MAGEC3: variants seen among roughly 807,000 people sequenced by gnomAD.
MAGEC3 encodes the protein melanoma-associated antigen C3.
In MAGEC3, 34 loss-of-function variants were observed where a neutral mutation model predicts 35.3. The observed-to-expected ratio is 0.96, with a 90% CI of 0.73 to 1.28. The LOEUF (loss-of-function observed/expected upper bound fraction) is 1.28, where lower values mean the gene tolerates loss of function less well. Ranked by LOEUF, MAGEC3 falls within the 50% of genes most tolerant of loss-of-function variation. The probability of loss-of-function intolerance (pLI) is 0.00; values close to 1 mark genes in which losing one functional copy is unlikely to be tolerated. For synonymous variants in MAGEC3, 202 were observed against 185.6 expected (o/e 1.09, Z -0.72); for missense variants, 561 against 483.6 (o/e 1.16, Z -1.50).
chrX:141,880,852 A>T (rs766779446), intron 3 of MAGEC3: 1 of 1,133,677 alleles, frequency 8.8e-7, no homozygotes, highest in South Asian at 1.9e-5. Context: ...GGCCTTTGTC[A>T]GAACCACCAT....
At chrX:141,871,762 G>A (rs900849584) in intron 2 of MAGEC3, among the ~76,000 whole-genome samples, 7 of 111,242 alleles carry the variant, frequency 6.3e-5, no homozygotes, top group African/African-American at 2.3e-4. Context: ...GGACATGATT[G>A]TGAGCAATGC....
intron 1 of MAGEC3, among the ~76,000 whole-genome samples, chrX:141,865,101 C>A (rs1384148374): frequency 1.8e-5 from 2 of 111,326 alleles, no homozygotes; most frequent in Non-Finnish European, 3.8e-5. Flanking sequence ...TTTGAAAGCC[C>A]TTTCTGTATT....
At chrX:141,889,148 T>G (rs1018580305) in intron 4 of MAGEC3, among the ~76,000 whole-genome samples, 5 of 112,287 alleles carry the variant, frequency 4.5e-5, no homozygotes, top group African/African-American at 1.6e-4. Context: ...GCAGTTGCAT[T>G]GATAGAACAG....
intron 6 of MAGEC3, chrX:141,896,060 G>T (rs1292539339): frequency 1.5e-5 from 2 of 132,554 alleles, no homozygotes; most frequent in East Asian, 3.8e-4. Context: ...AATTCTGATG[G>T]GACCATGCAG....
chrX:141,878,834 C>T (rs994267793), intron 2 of MAGEC3, among the ~76,000 whole-genome samples: 4 of 111,929 alleles, frequency 3.6e-5, no homozygotes, highest in African/African-American at 9.8e-5. Flanking sequence ...ATCTGAAGAA[C>T]ATAGTCTCTG....
At chrX:141,853,168 G>A (rs963601278) in intron 1 of MAGEC3, among the ~76,000 whole-genome samples, 2 of 111,120 alleles carry the variant, frequency 1.8e-5, no homozygotes, top group African/African-American at 3.3e-5. Context: ...GACTACATCC[G>A]CCTTTTAAAA....
chrX:141,841,346 A>G (rs371350859), intron 1 of MAGEC3, among the ~76,000 whole-genome samples: 7 of 112,107 alleles, frequency 6.2e-5, no homozygotes, highest in African/African-American at 2.3e-4. Context: ...GACATTCGCA[A>G]ACATATTGCC....
chrX:141,875,468 G>C (rs150682289), intron 2 of MAGEC3, among the ~76,000 whole-genome samples: 4,119 of 111,013 alleles, frequency 0.037, 87 homozygotes, highest in Non-Finnish European at 0.057. Context: ...TGGCAACTAT[G>C]GTAAATCTTC....
chrX:141,861,985 A>C (rs1021462716), intron 1 of MAGEC3, among the ~76,000 whole-genome samples: 4 of 111,866 alleles, frequency 3.6e-5, no homozygotes, highest in Non-Finnish European at 7.5e-5. Flanking sequence ...CAATAAACAA[A>C]GTGAAGAGAC....
At chrX:141,874,756 AAAAAT>A (rs2017909518) in intron 2 of MAGEC3, among the ~76,000 whole-genome samples, 1 of 110,584 alleles carries the variant, frequency 9.0e-6, no homozygotes, top group South Asian at 3.8e-4. Flanking sequence ...AATTTGAAAA[AAAAAT>A]ACACTCACTC....
intron 2 of MAGEC3, among the ~76,000 whole-genome samples, chrX:141,871,147 C>T (rs1363509609): frequency 4.5e-5 from 5 of 111,278 alleles, no homozygotes; most frequent in Non-Finnish European, 7.5e-5. Context: ...TATAACCACA[C>T]GGGCAACAGA....
intron 4 of MAGEC3, among the ~76,000 whole-genome samples, chrX:141,889,015 C>T (rs914929395): frequency 8.9e-6 from 1 of 112,188 alleles, no homozygotes; most frequent in Non-Finnish European, 1.9e-5. Context: ...CCTTATTCAC[C>T]GTCATGGTAT....
At chrX:141,843,894 T>C (rs181438080) in intron 1 of MAGEC3, among the ~76,000 whole-genome samples, 11 of 111,006 alleles carry the variant, frequency 9.9e-5, no homozygotes, top group Admixed American at 7.7e-4. Flanking sequence ...ATTAAAAAGC[T>C]TTCCATGTGC....
chrX:141,879,539 G>T, intron 3 of MAGEC3, 108 bp downstream of exon 3: 1 of 944,436 alleles, frequency 1.1e-6, no homozygotes, highest in Non-Finnish European at 1.4e-6. Context: ...TAGGCAGGAA[G>T]GGGTGGAGGG....
intron 1 of MAGEC3, among the ~76,000 whole-genome samples, chrX:141,843,713 A>C (rs2017699606): frequency 9.0e-6 from 1 of 111,041 alleles, no homozygotes; most frequent in Admixed American, 9.6e-5. Context: ...AGATAATCAA[A>C]GGCAAATCCC....
intron 1 of MAGEC3, among the ~76,000 whole-genome samples, chrX:141,857,362 C>T (rs2017787574): frequency 9.0e-6 from 1 of 110,970 alleles, no homozygotes; most frequent in Non-Finnish European, 1.9e-5. Context: ...AATTCTTTCC[C>T]AGCTTCCAGG....
chrX:141,890,367 G>A (rs1423075460), intron 4 of MAGEC3, among the ~76,000 whole-genome samples: 1 of 110,553 alleles, frequency 9.0e-6, no homozygotes, highest in East Asian at 2.9e-4. Flanking sequence ...ACCAAGCCCA[G>A]CTAATTTTTG....
chrX:141,867,860 C>T (rs1226581621), intron 2 of MAGEC3, among the ~76,000 whole-genome samples: 9 of 112,103 alleles, frequency 8.0e-5, no homozygotes, highest in Non-Finnish European at 1.7e-4. Flanking sequence ...TGGTGGCTCA[C>T]GCCTGTAATT....
intron 1 of MAGEC3, among the ~76,000 whole-genome samples, chrX:141,848,044 A>G (rs2017727481): frequency 9.1e-6 from 1 of 110,346 alleles, no homozygotes; most frequent in Non-Finnish European, 1.9e-5. Flanking sequence ...CAGGGTATGC[A>G]TGTGTGTATG....
Sources: allele counts gnomAD v4.1 joint callset (sites outside exome capture counted in the v4.1 genomes callset), GRCh38; gene constraint gnomAD v4.1.1; transcripts MANE v1.5; gene names NCBI Gene and HGNC (gene_info 2026-07-23, HGNC 2026-07-21).